ANKRD27: variants seen among roughly 807,000 people sequenced by gnomAD.
ANKRD27 encodes the protein ankyrin repeat domain 27, also known as ankyrin repeat domain-containing protein 27.
ANKRD27 carries 112 observed loss-of-function variants against 129.7 expected under a neutral mutation model. The ratio of observed to expected loss-of-function variants is 0.86; its 90% CI spans 0.74 to 1.01. ANKRD27 has a LOEUF of 1.01. Ranked by LOEUF, ANKRD27 falls within the 50% of genes least tolerant of loss-of-function variation. The pLI is 0.00. For missense variants in ANKRD27, 1,258 were observed against 1,300.5 expected (o/e 0.97, Z 0.50); for synonymous variants, 516 against 511.2 (o/e 1.01, Z -0.13).
chr19:32,653,931 C>T (rs1262415140), intron 2 of ANKRD27, among the ~76,000 whole-genome samples: 1 of 152,136 alleles, frequency 6.6e-6, no homozygotes, highest in Non-Finnish European at 1.5e-5. Context: ...GACAGAGTCT[C>T]GTTCTGCTGC....
intron 2 of ANKRD27, among the ~76,000 whole-genome samples, chr19:32,656,640 C>A (rs1363675901): frequency 2.0e-5 from 3 of 152,020 alleles, no homozygotes; most frequent in Non-Finnish European, 4.4e-5. Flanking sequence ...TAAAAACCAG[C>A]CAGGTGTGGT....
In ANKRD27 at chr19:32,643,553, C is replaced by T. The variant is rs761357536; in HGVS notation, c.585+19G>A. Reference sequence around the variant, plus strand: ...GGGGGTGCACCACAATTCTCCCTCTCAGAAGTCCTGCTGCTTACCAGGTGA... The same window carrying T: ...GGGGGTGCACCACAATTCTCCCTCTTAGAAGTCCTGCTGCTTACCAGGTGA... On this transcript the variant is annotated intron_variant, in intron 6 of 28. Coordinates refer to ENST00000306065, the MANE Select transcript of ANKRD27 (RefSeq NM_032139.3). 2 of 1,613,948 alleles carry T rather than the reference C, an allele frequency of 1.2e-6. No homozygotes were observed. Among genetic ancestry groups the T allele is most frequent in the South Asian group, 1.1e-5 (1 of 91,070 alleles).
intron 12 of ANKRD27, chr19:32,637,600 C>G (rs1599757028): frequency 1.3e-5 from 2 of 152,316 alleles, no homozygotes; most frequent in East Asian, 3.9e-4. Flanking sequence ...CTCTGCAGGG[C>G]CAACAGGAGC....
In ANKRD27 at chr19:32,649,669, A is replaced by G; in HGVS notation, c.213+13T>C. On this transcript the variant is annotated intron_variant, in intron 3 of 28. Coordinates refer to ENST00000306065, the MANE Select transcript of ANKRD27 (RefSeq NM_032139.3). ...AGTAGGTGACCCTGGCTGATCCACC[A>G]AGAAATGAATACCTTTCCATTTAAG... 1.3e-6 allele frequency: 2 copies of G among 1,576,022 alleles called. No individual in the cohort carries two copies. The highest frequency in any genetic ancestry group is 1.7e-6 in the Non-Finnish European group (2 of 1,145,578).
At chr19:32,635,403 C>T (rs955079759) in intron 12 of ANKRD27, among the ~76,000 whole-genome samples, 1 of 152,212 alleles carries the variant, frequency 6.6e-6, no homozygotes, top group Non-Finnish European at 1.5e-5. Flanking sequence ...TGGAAATGAA[C>T]AGAAATTCTG....
At chr19:32,606,055 A>C in intron 23 of ANKRD27, 101 bp from the exon 24 acceptor site, 2 of 1,078,982 alleles carry the variant, frequency 1.9e-6, no homozygotes, top group Non-Finnish European at 2.5e-6. Flanking sequence ...ATAAAATAAG[A>C]AAACAAAGTT....
intron 13 of ANKRD27, 32 bp from the exon 14 acceptor site, chr19:32,628,881 T>G (rs1438607339): frequency 1.2e-6 from 2 of 1,611,986 alleles, no homozygotes; most frequent in Admixed American, 3.3e-5. Flanking sequence ...GCTATCCACA[T>G]GCTGGAATTA....
chr19:32,660,825 G>C (rs1967629954), intron 1 of ANKRD27, among the ~76,000 whole-genome samples: 2 of 152,124 alleles, frequency 1.3e-5, no homozygotes, highest in Non-Finnish European at 2.9e-5. Context: ...TAAACTGCCT[G>C]ATCATGTCTT....
chr19:32,600,545 A>G (rs1971636779), intron 26 of ANKRD27, among the ~76,000 whole-genome samples: 1 of 152,160 alleles, frequency 6.6e-6, no homozygotes, highest in South Asian at 2.1e-4. Flanking sequence ...CATCTCAAAA[A>G]AAAGCTACAA....
rs775143174 is a variant in ANKRD27 at position 32,644,352 on chromosome 19, G to A, written c.498C>T (p.Cys166=). The A allele has an allele frequency of 3.7e-6, 6 of 1,613,438 alleles. No individual in the cohort carries two copies. The highest frequency in any genetic ancestry group is 5.1e-6 in the Non-Finnish European group (6 of 1,179,852). Residue 166 remains cysteine (C), a synonymous_variant, in exon 5 of 29, where the codon TGC becomes TGT. Transcript: ENST00000306065. Reference sequence around the variant, plus strand: ...TGTGGTGACGGAGGCTCTTTCTCTCGCATTCTCGGAATGTTCGATGGAAAG... The same window carrying A: ...TGTGGTGACGGAGGCTCTTTCTCTCACATTCTCGGAATGTTCGATGGAAAG... ...IASFHRTFRE[C]ERKSLRHHID...
intron 9 of ANKRD27, 68 bp from the exon 10 acceptor site, chr19:32,642,213 A>ATACG: frequency 7.3e-7 from 1 of 1,373,244 alleles, no homozygotes; most frequent in South Asian, 1.8e-5. Flanking sequence ...TGGATCTAAG[A>ATACG]ACACATCTCA....
At chr19:32,656,095 GAAAGAAAGAAAGAAAAGAAAAGAAAAGA>G (rs762818725) in intron 2 of ANKRD27, among the ~76,000 whole-genome samples, 55,349 of 110,524 alleles carry the variant, frequency 0.5, 14,950 homozygotes, top group Non-Finnish European at 0.64. Flanking sequence ...AAGAAAGAAA[GAAAGAAAGAAAGAAAAGAAAAGAAAAGA>G]AAAGAAAAGA....
chr19:32,658,491 G>A (rs1281671212), intron 2 of ANKRD27, among the ~76,000 whole-genome samples: 1 of 152,236 alleles, frequency 6.6e-6, no homozygotes, highest in African/African-American at 2.4e-5. Flanking sequence ...GTGTATGAAT[G>A]TGTTTACTCG....
At chr19:32,631,097 C>A (rs559928882) in intron 13 of ANKRD27, among the ~76,000 whole-genome samples, 1 of 152,226 alleles carries the variant, frequency 6.6e-6, no homozygotes, top group Admixed American at 6.5e-5. Context: ...CGGCTCACTG[C>A]AACCTCCACC....
intron 21 of ANKRD27, 69 bp from the exon 22 acceptor site, chr19:32,615,849 C>T (rs1417475788): frequency 2.6e-6 from 4 of 1,565,536 alleles, no homozygotes; most frequent in African/African-American, 2.7e-5. Flanking sequence ...ATCTTAAACA[C>T]ACACCATCAA....
intron 2 of ANKRD27, among the ~76,000 whole-genome samples, chr19:32,654,311 C>A (rs949236815): frequency 2.0e-4 from 30 of 152,014 alleles, no homozygotes; most frequent in African/African-American, 7.0e-4. Flanking sequence ...CCAGCCTGGG[C>A]AACATAGTGA....
intron 17 of ANKRD27, among the ~76,000 whole-genome samples, chr19:32,623,967 C>T (rs73571613): frequency 0.093 from 14,195 of 152,120 alleles, 1,637 homozygotes; most frequent in East Asian, 0.32. Flanking sequence ...GCTGTGAGTG[C>T]GACTATATGC....
At chr19:32,662,657 G>A (rs959457332) in intron 1 of ANKRD27, among the ~76,000 whole-genome samples, 1 of 152,096 alleles carries the variant, frequency 6.6e-6, no homozygotes, top group African/African-American at 2.4e-5. Flanking sequence ...TGGGAGGATC[G>A]CTTGAGCCCA....
At chr19:32,639,302 T>A (rs768515459) in intron 12 of ANKRD27, 54 bp downstream of exon 12, 27 of 1,611,320 alleles carry the variant, frequency 1.7e-5, no homozygotes, top group Non-Finnish European at 2.3e-5. Context: ...CAGCACCCTA[T>A]CAAGGGAACC....
Sources: allele counts gnomAD v4.1 joint callset (sites outside exome capture counted in the v4.1 genomes callset), GRCh38; gene constraint gnomAD v4.1.1; transcripts MANE v1.5; gene names NCBI Gene and HGNC (gene_info 2026-07-23, HGNC 2026-07-21).